Variants in SNTG1 observed in about 807,000 individuals in gnomAD.
SNTG1 encodes the protein gamma-1-syntrophin.
SNTG1 carries 39 observed loss-of-function variants against 74.7 expected under a neutral mutation model. The ratio of observed to expected loss-of-function variants is 0.52; its 90% CI spans 0.40 to 0.68. SNTG1 has a LOEUF of 0.68. Among genes scored for constraint, SNTG1 ranks in the 30% least tolerant of loss-of-function variants. SNTG1 has a pLI of 0.00. For missense variants in SNTG1, 685 were observed against 609.5 expected (o/e 1.12, Z -1.30); for synonymous variants, 254 against 217.1 (o/e 1.17, Z -1.49).
At chr8:50,001,197 G>C (rs914712606) in intron 1 of SNTG1, among the ~76,000 whole-genome samples, 1 of 152,122 alleles carries the variant, frequency 6.6e-6, no homozygotes, top group African/African-American at 2.4e-5. Context: ...ACAGAAAGTA[G>C]AAATGAGGGT....
At chr8:50,468,359 TCTTA>T (rs1488627250) in intron 8 of SNTG1, among the ~76,000 whole-genome samples, 4 of 152,212 alleles carry the variant, frequency 2.6e-5, no homozygotes, top group South Asian at 4.1e-4. Flanking sequence ...TACTGGTTTA[TCTTA>T]CTTAATTCCT....
chr8:50,201,501 T>C (rs2083985243), intron 2 of SNTG1, among the ~76,000 whole-genome samples: 1 of 152,126 alleles, frequency 6.6e-6, no homozygotes, highest in South Asian at 2.1e-4. Flanking sequence ...CCATGGCACA[T>C]TTTTAAAATT....
intron 12 of SNTG1, among the ~76,000 whole-genome samples, chr8:50,570,302 A>T (rs1275906176): frequency 2.2e-5 from 1 of 46,264 alleles, no homozygotes; most frequent in African/African-American, 6.1e-5. Context: ...TCTGTCACCC[A>T]GGCTGGATTA....
chr8:50,158,867 A>T (rs1386803486), intron 1 of SNTG1, among the ~76,000 whole-genome samples: 1 of 152,142 alleles, frequency 6.6e-6, no homozygotes, highest in Non-Finnish European at 1.5e-5. Flanking sequence ...GAGACCTTGG[A>T]TATGGACACC....
intron 13 of SNTG1, among the ~76,000 whole-genome samples, chr8:50,621,193 T>C (rs2094921182): frequency 6.6e-6 from 1 of 152,126 alleles, no homozygotes; most frequent in African/African-American, 2.4e-5. Context: ...ATATAGCATT[T>C]TTTGAGATGC....
rs187278885 is a variant in SNTG1 at position 50,181,805 on chromosome 8, A to G, written c.-28+9170A>G. On this transcript the variant is annotated intron_variant, in intron 2 of 18. Coordinates refer to ENST00000642720, the MANE Select transcript of SNTG1 (RefSeq NM_018967.5). ...ATGTGATATTATCTTTTATTCTTTA[A>G]AAAGTTCAATTTGGGCTTTGCTGCA... Among the ~76,000 whole-genome samples, 4 of 152,302 alleles carry G rather than the reference A, an allele frequency of 2.6e-5. No individual in the cohort carries two copies. The East Asian group carries it at 5.8e-4, about 22-fold the overall frequency.
Position 50,032,792 on chromosome 8 carries a change from A to T in SNTG1, c.-103+120561A>T, listed in dbSNP as rs545479464. On this transcript the variant is annotated intron_variant, in intron 1 of 18. Coordinates refer to ENST00000642720, the MANE Select transcript of SNTG1 (RefSeq NM_018967.5). Reference sequence around the variant, plus strand: ...GCTAATCTTTTAACACTATACATATATTTTTTTTCATGTTGCTCACCTGCT... The same window carrying T: ...GCTAATCTTTTAACACTATACATATTTTTTTTTTCATGTTGCTCACCTGCT... Among the ~76,000 whole-genome samples, 97 of 152,022 alleles carry T rather than the reference A, an allele frequency of 6.4e-4. No homozygotes were observed. In the Middle Eastern group the frequency reaches 0.027, roughly 43 times the overall value.
intron 1 of SNTG1, among the ~76,000 whole-genome samples, chr8:49,913,937 T>G (rs1805796662): frequency 6.6e-6 from 1 of 152,180 alleles, no homozygotes; most frequent in African/African-American, 2.4e-5. Context: ...GCTTTCTCTA[T>G]GTGTAACTGA....
chr8:50,258,958 G>T (rs571505905), intron 2 of SNTG1, among the ~76,000 whole-genome samples: 1 of 151,898 alleles, frequency 6.6e-6, no homozygotes, highest in African/African-American at 2.4e-5. Flanking sequence ...GTTCAACAAG[G>T]TCTAAACAGG....
At chr8:50,282,881 C>A (rs1165906437) in intron 2 of SNTG1, among the ~76,000 whole-genome samples, 1 of 152,122 alleles carries the variant, frequency 6.6e-6, no homozygotes, top group East Asian at 1.9e-4. Flanking sequence ...CCAATGTTAC[C>A]AATTGTGTCC....
chr8:50,223,120 C>G (rs902742494), intron 2 of SNTG1, among the ~76,000 whole-genome samples: 3 of 151,958 alleles, frequency 2.0e-5, no homozygotes, highest in African/African-American at 7.3e-5. Flanking sequence ...AACAAGCAAT[C>G]TAAGTATTAA....
chr8:50,680,992 C>T lies in SNTG1; in HGVS notation c.1038+22329C>T, dbSNP rs530837677. On this transcript the variant is annotated intron_variant, in intron 15 of 18. Coordinates refer to ENST00000642720, the MANE Select transcript of SNTG1 (RefSeq NM_018967.5). Reference sequence around the variant, plus strand: ...TAAATTTCGTTTGGTTTATCTTCTCCCTTATACTTTTGTTTTAGGAGAAAT... The same window carrying T: ...TAAATTTCGTTTGGTTTATCTTCTCTCTTATACTTTTGTTTTAGGAGAAAT... 1.1e-4 allele frequency among the ~76,000 whole-genome samples: 17 copies of T among 152,128 alleles called. No individual in the cohort carries two copies. In the South Asian group the frequency reaches 3.1e-3, roughly 28 times the overall value.
chr8:49,922,276 G>A (rs1266025131), intron 1 of SNTG1, among the ~76,000 whole-genome samples: 1 of 152,044 alleles, frequency 6.6e-6, no homozygotes, highest in Non-Finnish European at 1.5e-5. Flanking sequence ...ATAATTGCCT[G>A]GCTTTTTTCT....
chr8:49,967,644 C>T (rs890178870), intron 1 of SNTG1, among the ~76,000 whole-genome samples: 1 of 152,152 alleles, frequency 6.6e-6, no homozygotes, highest in African/African-American at 2.4e-5. Flanking sequence ...AACCTGCCTT[C>T]ACCATAAGAG....
intron 2 of SNTG1, among the ~76,000 whole-genome samples, chr8:50,197,886 T>A (rs1018531118): frequency 6.6e-6 from 1 of 152,172 alleles, no homozygotes. Context: ...TTTTTTATTT[T>A]AAAAATTATC....
At chr8:50,098,644 G>A (rs2080015987) in intron 1 of SNTG1, among the ~76,000 whole-genome samples, 1 of 152,078 alleles carries the variant, frequency 6.6e-6, no homozygotes, top group South Asian at 2.1e-4. Flanking sequence ...TTAATATAGT[G>A]GAGAAAGCAT....
intron 15 of SNTG1, among the ~76,000 whole-genome samples, chr8:50,666,235 C>T (rs1288766335): frequency 6.6e-6 from 1 of 152,092 alleles, no homozygotes; most frequent in African/African-American, 2.4e-5. Flanking sequence ...AAATGAATGT[C>T]CTATTTTCTT....
chr8:50,200,627 TA>T (rs1283042910), intron 2 of SNTG1, among the ~76,000 whole-genome samples: 3 of 152,082 alleles, frequency 2.0e-5, no homozygotes, highest in Non-Finnish European at 4.4e-5. Context: ...CTAGTCAATT[TA>T]GTCACCAGAA....
At chr8:50,613,084 G>T (rs2094862289) in intron 13 of SNTG1, among the ~76,000 whole-genome samples, 1 of 152,178 alleles carries the variant, frequency 6.6e-6, no homozygotes, top group African/African-American at 2.4e-5. Flanking sequence ...AAGAGCATCT[G>T]TTAAAATCCA....
Sources: allele counts gnomAD v4.1 joint callset (sites outside exome capture counted in the v4.1 genomes callset), GRCh38; gene constraint gnomAD v4.1.1; transcripts MANE v1.5; gene names NCBI Gene and HGNC (gene_info 2026-07-23, HGNC 2026-07-21).